The following ERCC3 variants were observed in gnomAD, a reference collection of about 807,000 sequenced individuals.
ERCC3 encodes the protein ERCC excision repair 3, TFIIH core complex helicase subunit.
A neutral mutation model predicts 94.2 loss-of-function variants in ERCC3; 66 were observed. The observed-to-expected ratio is 0.70, with a 90% confidence interval of 0.57 to 0.86. The LOEUF is 0.86. Among genes scored for constraint, ERCC3 ranks in the 40% least tolerant of loss-of-function variants. The pLI, the probability that ERCC3 is intolerant of heterozygous loss-of-function variation, is 0.00. For missense variants in ERCC3, 829 were observed against 987.1 expected (o/e 0.84, Z 2.15); for synonymous variants, 349 against 369.1 (o/e 0.95, Z 0.63).
Position 127,292,935 on chromosome 2 carries a change from T to A in ERCC3, c.235-89A>T, listed in dbSNP as rs1685326616. ...TGCCCATATCATTATCAAGAAAGAA[T>A]AAGCTGCCCAACACCACAGATATTC... is the stretch of plus-strand genomic sequence containing the variant. On this transcript the variant is annotated intron_variant, in intron 2 of 14. Transcript: ENST00000285398. 7 of 838,610 alleles carry A rather than the reference T, an allele frequency of 8.3e-6. No homozygotes were observed. The Admixed American group carries it at 1.1e-4, about 13-fold the overall frequency. 51.9% of individuals were successfully genotyped at this position (838,610 alleles called of 1,614,324 possible).
chr2:127,277,555 G>A lies in ERCC3; in HGVS notation c.1730+1618C>T, dbSNP rs2104757412. Among the ~76,000 whole-genome samples the A allele has an allele frequency of 6.6e-6, 1 of 152,232 alleles. No homozygotes were observed. The highest frequency in any genetic ancestry group is 2.1e-4 in the South Asian group (1 of 4,824). On this transcript the variant is annotated intron_variant, in intron 10 of 14. Transcript: ENST00000285398. This position sits in a 1 kb window ranked among gnomAD's most constrained non-coding sequence, Gnocchi z 5.1. ...AAATACAAAAATTATCCAGGCTGTG[G>A]TGGCGGGTGCCTGTAGTCCCAGCTA...
At position 127,287,033 on chromosome 2, in the gene ERCC3, G is replaced by A. The variant is rs55690041; in HGVS notation, c.1028-16C>T. The A allele has an allele frequency of 3.7e-6, 6 of 1,600,784 alleles. No homozygotes were observed. Among genetic ancestry groups the A allele is most frequent in the Admixed American group, 1.7e-5 (1 of 59,990 alleles). On this transcript the variant is annotated splice_polypyrimidine_tract_variant and intron_variant, in intron 7 of 14. Transcript: ENST00000285398. ...TTTCCAGCACCTACAAGAAACAAGAGTGCAATCCCACCCAAGGACAGGTTG... is the reference window on the plus strand; with the variant it reads ...TTTCCAGCACCTACAAGAAACAAGAATGCAATCCCACCCAAGGACAGGTTG...
rs926986733 is a variant in ERCC3, at chr2:127,257,367, G to A, written c.*229C>T. On this transcript the variant is annotated 3_prime_UTR_variant, in exon 15 of 15. Transcript: ENST00000285398. This position sits in a 1 kb window ranked among gnomAD's most constrained non-coding sequence, Gnocchi z 5.4. ...TAAATATTAACATTTTTTATATACA[G>A]AAATGACCCCACTCCCCAAAAAGTT... The A allele has an allele frequency of 3.4e-5, 20 of 590,836 alleles. No homozygotes were observed. Among genetic ancestry groups the A allele is most frequent in the Non-Finnish European group, 5.9e-5 (19 of 323,098 alleles). The allele number at this position is 590,836 out of a possible 1,614,324, so 36.6% of individuals were successfully genotyped here.
Position 127,292,851 on chromosome 2 carries a change from G to A in ERCC3, c.235-5C>T. 6.3e-7 allele frequency: 1 copy of A among 1,580,500 alleles called. No individual in the cohort carries two copies. Among genetic ancestry groups the A allele is most frequent in the Non-Finnish European group, 8.7e-7 (1 of 1,150,736 alleles). The stretch of plus-strand genomic sequence containing the variant: ...GAAGATATGGCCATCGGGAGCCTGA[G>A]AGATACCAAATGGACAAAACAGACA... On this transcript the variant is annotated splice_polypyrimidine_tract_variant and splice_region_variant and intron_variant, in intron 2 of 14. Transcript: ENST00000285398.
intron 7 of ERCC3, 29 bp from the exon 8 acceptor site, chr2:127,287,046 C>T (rs1473474812): frequency 1.9e-6 from 3 of 1,572,108 alleles, no homozygotes; most frequent in Admixed American, 1.7e-5. Context: ...CAATCCCACC[C>T]AAGGACAGGT....
rs925624207 is a variant in ERCC3 at position 127,291,278 on chromosome 2, C to G, written c.472-1005G>C. Among the ~76,000 whole-genome samples, 1 of 151,920 alleles carries G rather than the reference C, an allele frequency of 6.6e-6. No individual in the cohort carries two copies. Among genetic ancestry groups the G allele is most frequent in the Non-Finnish European group, 1.5e-5 (1 of 67,994 alleles). On this transcript the variant is annotated intron_variant, in intron 3 of 14. Coordinates refer to ENST00000285398, the MANE Select transcript of ERCC3 (RefSeq NM_000122.2). This position sits in a 1 kb window ranked among gnomAD's most constrained non-coding sequence, Gnocchi z 4.9. Reference sequence around the variant, plus strand: ...TTTCTTTTTTGTTGTTGTTCTGAGGCGGAGTCTCACTCTGTTGCCCAGGCT... The same window carrying G: ...TTTCTTTTTTGTTGTTGTTCTGAGGGGGAGTCTCACTCTGTTGCCCAGGCT...
Position 127,289,461 on chromosome 2 carries a change from G to C in ERCC3, c.698C>G (p.Ser233Cys). 6.2e-7 allele frequency: 1 copy of C among 1,612,932 alleles called. No individual in the cohort carries two copies. The highest frequency in any genetic ancestry group is 8.5e-7 in the Non-Finnish European group (1 of 1,180,032). The change falls in exon 6 of 15, where the codon TCC becomes TGC. Residue 233 changes from serine to cysteine, a missense_variant. Ser to Cys is a moderately radical substitution (Grantham distance 112, BLOSUM62 -1). Coordinates refer to ENST00000285398, the MANE Select transcript of ERCC3 (RefSeq NM_000122.2). ...TAESSGGPST[S>C]RVTDPQGKSD... The stretch of plus-strand genomic sequence containing the variant: ...TTTACCCTGTGGATCTGTCACTCGG[G>C]AAGTGGAGGGCCCACCACTGCTTTC...
chr2:127,264,831 C>CT lies in ERCC3; in HGVS notation c.1946-3486dup, dbSNP rs1167009375. On this transcript the variant is annotated intron_variant, in intron 12 of 14. Transcript: ENST00000285398. This position sits in a 1 kb window ranked among gnomAD's most constrained non-coding sequence, Gnocchi z 4.4. ...AGAACTGAATACATCTGGTCCAGGA[C>CT]TTTTTTAGTTGGTAGATTTTTTTTT... 6.7e-6 allele frequency among the ~76,000 whole-genome samples: 1 copy of CT among 150,282 alleles called. No homozygotes were observed. Among genetic ancestry groups the CT allele is most frequent in the Non-Finnish European group, 1.5e-5 (1 of 67,760 alleles).
chr2:127,263,980 G>T (rs1684277742), intron 12 of ERCC3, among the ~76,000 whole-genome samples: 2 of 152,078 alleles, frequency 1.3e-5, no homozygotes, highest in African/African-American at 4.8e-5. Context: ...AAAGTGCTCG[G>T]ATTACAGGCA....
At chr2:127,266,586 C>T (rs1017866313) in intron 12 of ERCC3, among the ~76,000 whole-genome samples, 1 of 152,002 alleles carries the variant, frequency 6.6e-6, no homozygotes, top group Admixed American at 6.6e-5. Flanking sequence ...ATCCACCCGC[C>T]TTGGCTTCCC....
chr2:127,279,225 C>T lies in ERCC3; in HGVS notation c.1678G>A (p.Val560Ile). Residue 560 changes from valine to isoleucine, a missense_variant, in exon 10 of 15, where the codon GTC (valine) becomes ATC (isoleucine). Transcript: ENST00000285398. The surrounding 1 kb of genome is among the most constrained non-coding windows in gnomAD (Gnocchi z 4.7). ...AGGGCAAACACATTGTCAGCAAAGACAATAATCTTGTCATTCCTCCTTTCA... is the reference window on the plus strand; with the variant it reads ...AGGGCAAACACATTGTCAGCAAAGATAATAATCTTGTCATTCCTCCTTTCA... ...FHERRNDKIIVFADNVFALKE... is the reference protein window; with the variant it reads ...FHERRNDKIIIFADNVFALKE... 2 of 1,613,988 alleles carry T rather than the reference C, an allele frequency of 1.2e-6. No homozygotes were observed. The highest frequency in any genetic ancestry group is 1.7e-6 in the Non-Finnish European group (2 of 1,179,840).
chr2:127,288,370 A>G (rs1302175787), intron 7 of ERCC3, among the ~76,000 whole-genome samples: 2 of 152,250 alleles, frequency 1.3e-5, no homozygotes, highest in East Asian at 3.9e-4. Flanking sequence ...CGCTGACTCT[A>G]GCACCACCCA....
chr2:127,288,525 A>G, intron 7 of ERCC3, 135 bp downstream of exon 7: 1 of 828,088 alleles, frequency 1.2e-6, no homozygotes, highest in Non-Finnish European at 2.1e-6. Context: ...TTGTCAAGTC[A>G]TGAATCAGGG....
rs533600271 is a variant in ERCC3 at position 127,284,687 on chromosome 2, A to ATTT, written c.1342+2013_1342+2015dup. 9.3e-4 allele frequency among the ~76,000 whole-genome samples: 136 copies of ATTT among 145,748 alleles called. 2 individuals are homozygous for ATTT. The highest frequency in any genetic ancestry group is 2.8e-3 in the African/African-American group (111 of 39,772). ...AATTTACCCTAATCTGTTCATCTTT[A>ATTT]TTTTTTTTTTTTGAGACAGAGTCTC... On this transcript the variant is annotated intron_variant, in intron 8 of 14. Coordinates refer to ENST00000285398, the MANE Select transcript of ERCC3 (RefSeq NM_000122.2). The surrounding 1 kb of genome is among the most constrained non-coding windows in gnomAD (Gnocchi z 4.1).
rs1198587049 is a variant in ERCC3 at position 127,289,432 on chromosome 2, C to A, written c.727G>T (p.Asp243Tyr). Residue 243 changes from aspartate to tyrosine, a missense_variant, in exon 6 of 15, where the codon GAC (aspartate) becomes TAC (tyrosine). By Grantham distance (160) the Asp-to-Tyr change is radical. Coordinates refer to ENST00000285398, the MANE Select transcript of ERCC3 (RefSeq NM_000122.2). Reference sequence around the variant, plus strand: ...AAGTCAAACAGGTCCATGGGGATGTCAGATTTACCCTGTGGATCTGTCACT... The same window carrying A: ...AAGTCAAACAGGTCCATGGGGATGTAAGATTTACCCTGTGGATCTGTCACT... ...SRVTDPQGKS[D>Y]IPMDLFDFYE... 5 of 1,613,190 alleles carry A rather than the reference C, an allele frequency of 3.1e-6. No individual in the cohort carries two copies. The Admixed American group carries it at 8.3e-5, about 27-fold the overall frequency.
chr2:127,283,070 C>G (rs1262413256), intron 8 of ERCC3, among the ~76,000 whole-genome samples: 2 of 146,126 alleles, frequency 1.4e-5, no homozygotes, highest in African/African-American at 5.1e-5. Context: ...CTAGCAGACC[C>G]AATACCCACC....
chr2:127,262,005 A>G (rs1684204310), intron 12 of ERCC3: 1 of 152,840 alleles, frequency 6.5e-6, no homozygotes, highest in Admixed American at 6.5e-5. Context: ...AAATGAAACT[A>G]TATCCACACA....
chr2:127,266,583 C>T (rs548204363), intron 12 of ERCC3, among the ~76,000 whole-genome samples: 13 of 152,090 alleles, frequency 8.5e-5, no homozygotes, highest in South Asian at 6.2e-4. Flanking sequence ...GTGATCCACC[C>T]GCCTTGGCTT....
Position 127,258,026 on chromosome 2 carries a change from C to T in ERCC3, c.2218-299G>A, listed in dbSNP as rs1684072631. Among the ~76,000 whole-genome samples the T allele has an allele frequency of 6.6e-6, 1 of 152,138 alleles. No homozygotes were observed. The highest frequency in any genetic ancestry group is 1.5e-5 in the Non-Finnish European group (1 of 68,026). On this transcript the variant is annotated intron_variant, in intron 14 of 14. Coordinates refer to ENST00000285398, the MANE Select transcript of ERCC3 (RefSeq NM_000122.2). This position sits in a 1 kb window ranked among gnomAD's most constrained non-coding sequence, Gnocchi z 4.1. ...CTTAAGGAGATGGGATTTGAACACC[C>T]AGGTAGCCTGGCTTCAGACTGTTCT...
Sources: allele counts gnomAD v4.1 joint callset (sites outside exome capture counted in the v4.1 genomes callset), GRCh38; gene constraint gnomAD v4.1.1; non-coding constraint Gnocchi (gnomAD v3.1); transcripts MANE v1.5; gene names NCBI Gene and HGNC (gene_info 2026-07-23, HGNC 2026-07-21).